MGAM: variants seen among roughly 807,000 people sequenced by gnomAD.
The protein encoded by MGAM is alpha-1,4-glucosidase.
A neutral mutation model predicts 358.8 loss-of-function variants in MGAM; 253 were observed. The ratio of observed to expected loss-of-function variants is 0.71; its 90% CI spans 0.64 to 0.78. MGAM has a LOEUF of 0.78. MGAM is among the 30% of genes least tolerant of loss of function. MGAM has a pLI of 0.00. For synonymous variants in MGAM, 1,105 were observed against 1,227.1 expected (o/e 0.90, Z 2.08); for missense variants, 3,080 against 3,432.6 (o/e 0.90, Z 2.57).
At position 142,093,095 on chromosome 7, in the gene MGAM, G is replaced by A. The variant is rs867689791; in HGVS notation, c.7034-317G>A. On this transcript the variant is annotated intron_variant, in intron 59 of 70. Transcript: ENST00000475668. Reference sequence around the variant, plus strand: ...CAGTCTGCTAAACTGTAAAAGACAGGTAATGAGATCTTCTTCATAGAATTA... The same window carrying A: ...CAGTCTGCTAAACTGTAAAAGACAGATAATGAGATCTTCTTCATAGAATTA... Among the ~76,000 whole-genome samples, 5 of 146,678 alleles carry A rather than the reference G, an allele frequency of 3.4e-5. 1 individual carries two copies. The highest frequency in any genetic ancestry group is 3.5e-3 in the Middle Eastern group (1 of 284).
intron 7 of MGAM, among the ~76,000 whole-genome samples, chr7:142,023,779 A>C (rs1271350248): frequency 1.3e-5 from 2 of 152,208 alleles, no homozygotes; most frequent in African/African-American, 4.8e-5. Flanking sequence ...TCAGAAAAGC[A>C]GAAAAGCTGT....
At chr7:142,084,715 T>TAATGTTTG in intron 54 of MGAM, 71 bp downstream of exon 54, 1 of 1,497,530 alleles carries the variant, frequency 6.7e-7, no homozygotes, top group Non-Finnish European at 9.1e-7. Flanking sequence ...TTCATTTGTC[T>TAATGTTTG]AATGTTTGTG....
At chr7:142,045,441 A>G (rs1317239940) in intron 21 of MGAM, among the ~76,000 whole-genome samples, 2 of 111,888 alleles carry the variant, frequency 1.8e-5, no homozygotes, top group Admixed American at 2.4e-4. Flanking sequence ...GATATATTAT[A>G]TATACCTATA....
intron 42 of MGAM, among the ~76,000 whole-genome samples, chr7:142,067,933 C>CAAATATATATATATATATATATATAT (rs1563190716): frequency 1.6e-5 from 1 of 61,482 alleles, no homozygotes; most frequent in African/African-American, 5.1e-5. Flanking sequence ...GTACCTCCCT[C>CAAATATATATATATATATATATATAT]AAATATATAT....
Position 142,071,252 on chromosome 7 carries a change from T to C in MGAM, c.5186+134T>C, listed in dbSNP as rs549701663. On this transcript the variant is annotated intron_variant, in intron 44 of 70. Coordinates refer to ENST00000475668, the MANE Select transcript of MGAM (RefSeq NM_001365693.1). ...CAACACTTGTTTTTTCTTTGTTTTG[T>C]TGTTTGTGTGTTAATCTTTTTCAGA... is the stretch of plus-strand genomic sequence containing the variant. 1.7e-4 allele frequency: 197 copies of C among 1,152,678 alleles called. 6 individuals carry two copies. In the African/African-American group the frequency reaches 2.7e-3, roughly 16 times the overall value. 71.4% of individuals were successfully genotyped at this position (1,152,678 alleles called of 1,614,324 possible). A position where few individuals can be genotyped will look rare whatever the true frequency, so the allele number is the denominator to read the frequency against.
intron 10 of MGAM, among the ~76,000 whole-genome samples, chr7:142,029,178 G>A (rs1238375709): frequency 9.2e-5 from 14 of 151,944 alleles, no homozygotes; most frequent in Admixed American, 5.9e-4. Flanking sequence ...GTGAAACCCC[G>A]TCTCTACTAA....
chr7:142,036,025 C>T, intron 16 of MGAM, 144 bp from the exon 17 acceptor site: 1 of 609,120 alleles, frequency 1.6e-6, no homozygotes, highest in Middle Eastern at 4.5e-4. Context: ...AGAGTGGACA[C>T]AGGCTATGAC....
intron 41 of MGAM, 131 bp from the exon 42 acceptor site, chr7:142,067,210 C>A: frequency 1.1e-6 from 1 of 869,762 alleles, no homozygotes. Context: ...TGAAGCTAGG[C>A]CTAGGAACAA....
chr7:142,065,216 A>T, intron 37 of MGAM, 119 bp from the exon 38 acceptor site: 1 of 1,377,124 alleles, frequency 7.3e-7, no homozygotes, highest in South Asian at 1.4e-5. Context: ...TCAGAGTCCC[A>T]TGTTCCCTCC....
intron 70 of MGAM, among the ~76,000 whole-genome samples, chr7:142,104,710 G>T (rs560574618): frequency 6.6e-6 from 1 of 152,074 alleles, no homozygotes; most frequent in Admixed American, 6.5e-5. Context: ...CATGAGTGCT[G>T]CTTGGCTCAC....
rs755574986 is a variant in MGAM at position 142,070,977 on chromosome 7, C to T, written c.5062-17C>T. 2 of 1,555,458 alleles carry T rather than the reference C, an allele frequency of 1.3e-6. No individual in the cohort carries two copies. Among genetic ancestry groups the T allele is most frequent in the Non-Finnish European group, 1.8e-6 (2 of 1,132,158 alleles). ...CTGTCCTCTCCTTCATCATCTTTTA[C>T]CTTCTTCTGCCCCCAGGGTGTGGAT... On this transcript the variant is annotated splice_polypyrimidine_tract_variant and intron_variant, in intron 43 of 70. Transcript: ENST00000475668.
At chr7:142,055,924 A>G (rs941964546) in intron 28 of MGAM, 76 bp from the exon 29 acceptor site, 10 of 1,491,912 alleles carry the variant, frequency 6.7e-6, no homozygotes, top group Non-Finnish European at 9.1e-6. Context: ...CATGTTAGCA[A>G]GCACATTTTT....
Position 142,059,912 on chromosome 7 carries a change from G to A in MGAM, c.4005G>A (p.Val1335=). 1 of 1,611,194 alleles carries A rather than the reference G, an allele frequency of 6.2e-7. No homozygotes were observed. The change falls in exon 33 of 71, where the codon GTG becomes GTA. Residue 1335 remains valine (V), a synonymous_variant. Transcript: ENST00000475668. ...TQPYPAFTRG[V]EDDVFIKYPN... ...CTTATCCTGCCTTCACTCGGGGCGT[G>A]GAGGATGACGTCTTCATCAAATACC...
At chr7:142,074,430 T>G (rs4466313) in intron 45 of MGAM, among the ~76,000 whole-genome samples, 14,042 of 146,126 alleles carry the variant, frequency 0.096, 2,082 homozygotes, top group African/African-American at 0.23. Flanking sequence ...TTATTGTCAA[T>G]GGGTGCTTAG....
At chr7:142,055,747 A>T (rs1811457577) in intron 28 of MGAM, 21 bp downstream of exon 28, 1 of 1,612,490 alleles carries the variant, frequency 6.2e-7, no homozygotes, top group East Asian at 2.2e-5. Flanking sequence ...AGCATTTGGG[A>T]TCTGTGTCTC....
chr7:142,100,187 A>G (rs745310184), intron 67 of MGAM, among the ~76,000 whole-genome samples: 1 of 152,234 alleles, frequency 6.6e-6, no homozygotes, highest in Non-Finnish European at 1.5e-5. Context: ...GCCTAGAACT[A>G]TATGAATATG....
At position 142,066,590 on chromosome 7, in the gene MGAM, C is replaced by T. The variant is rs755195055; in HGVS notation, c.4788C>T (p.Ser1596=). The part of the protein sequence containing the change: ...TIGTRRQDPV[S]WDAAFVNISR... ...TCCTTTAGAGACAAGACCCTGTGTC[C>T]TGGGATGCTGCTTTTGTGAATATTT... Residue 1596 remains serine, a synonymous_variant, in exon 41 of 71, where the codon TCC becomes TCT. Transcript: ENST00000475668. 4.5e-6 allele frequency: 7 copies of T among 1,555,052 alleles called. 2 individuals carry two copies. In the Admixed American group the frequency reaches 6.9e-5, roughly 15 times the overall value.
At position 142,092,590 on chromosome 7, in the gene MGAM, C is replaced by A. The variant is rs751444395; in HGVS notation, c.7015C>A (p.His2339Asn). 2.9e-5 allele frequency: 44 copies of A among 1,543,060 alleles called. 6 individuals carry two copies. Among genetic ancestry groups the A allele is most frequent in the Admixed American group, 2.3e-4 (13 of 56,898 alleles). Reference protein sequence around the residue: ...SPGCRDASLNHPPYMPYLESR... With the variant: ...SPGCRDASLNNPPYMPYLESR... Reference sequence around the variant, plus strand: ...AGGCTGCAGGGATGCCTCTCTGAACCACCCTCCCTACATGCCGTGTAAGAA... The same window carrying A: ...AGGCTGCAGGGATGCCTCTCTGAACAACCCTCCCTACATGCCGTGTAAGAA... The change falls in exon 59 of 71, where the codon CAC (histidine) becomes AAC (asparagine). Residue 2339 changes from histidine (H) to asparagine (N), a missense_variant. Transcript: ENST00000475668.
rs954698510 is a variant in MGAM at position 142,104,876 on chromosome 7, AT to A, written c.8185-930del. On this transcript the variant is annotated intron_variant, in intron 70 of 70. Coordinates refer to ENST00000475668, the MANE Select transcript of MGAM (RefSeq NM_001365693.1). ...TTTCTTCCTTGTGTGCTTACTTATTATTTTTTTTCCTGAACTTTTTTCTTTC... is the reference window on the plus strand; with the variant it reads ...TTTCTTCCTTGTGTGCTTACTTATTATTTTTTTCCTGAACTTTTTTCTTTC... 6.0e-4 allele frequency among the ~76,000 whole-genome samples: 91 copies of A among 152,030 alleles called. 1 individual carries two copies. The highest frequency in any genetic ancestry group is 1.8e-3 in the African/African-American group (75 of 41,484).
Sources: allele counts gnomAD v4.1 joint callset (sites outside exome capture counted in the v4.1 genomes callset), GRCh38; gene constraint gnomAD v4.1.1; transcripts MANE v1.5; gene names NCBI Gene and HGNC (gene_info 2026-07-23, HGNC 2026-07-21).